CACNA1C: variants seen among roughly 807,000 people sequenced by gnomAD.
CACNA1C encodes the protein calcium voltage-gated channel subunit alpha1 C.
Under a neutral mutation model 229.0 loss-of-function variants are expected in CACNA1C, and 30 were observed. The observed-to-expected ratio is 0.13, with a 90% CI of 0.10 to 0.18. The LOEUF (loss-of-function observed/expected upper bound fraction) is 0.18. CACNA1C is among the 10% of genes least tolerant of loss of function. The pLI is 1.00. For synonymous variants in CACNA1C, 1,114 were observed against 1,132.5 expected, an observed-to-expected ratio of 0.98 and a Z score of 0.33; for missense variants, 1,658 against 2,845.0, an observed-to-expected ratio of 0.58 and a Z score of 9.49.
At chr12:2,191,785 T>TGCACATGATCTCACGTACAC (rs1369891120) in intron 3 of CACNA1C, among the ~76,000 whole-genome samples, 1 of 135,528 alleles carries the variant, frequency 7.4e-6, no homozygotes, top group African/African-American at 2.9e-5. Context: ...GGCACATACA[T>TGCACATGATCTCACGTACAC]GCACATGATC....
chr12:2,673,694 G>A (rs893589937), intron 38 of CACNA1C, among the ~76,000 whole-genome samples: 4 of 152,150 alleles, frequency 2.6e-5, no homozygotes, highest in African/African-American at 9.7e-5. Context: ...GACCCCCTCT[G>A]CTCCTAGAGG....
intron 29 of CACNA1C, among the ~76,000 whole-genome samples, chr12:2,620,886 T>G (rs988396039): frequency 6.6e-6 from 1 of 152,206 alleles, no homozygotes; most frequent in Non-Finnish European, 1.5e-5. Flanking sequence ...CATGCATGAA[T>G]GGATGAATGA....
chr12:2,309,281 T>G (rs536050385), intron 3 of CACNA1C, among the ~76,000 whole-genome samples: 13 of 152,184 alleles, frequency 8.5e-5, no homozygotes, highest in African/African-American at 3.1e-4. Context: ...ATGTGGAATC[T>G]AAAAGAGCCC....
chr12:2,599,373 G>A (rs557687300), intron 21 of CACNA1C, among the ~76,000 whole-genome samples: 1 of 152,276 alleles, frequency 6.6e-6, no homozygotes, highest in East Asian at 1.9e-4. Flanking sequence ...TTAGCACAAG[G>A]AACAGTGGAA....
intron 3 of CACNA1C, among the ~76,000 whole-genome samples, chr12:2,262,944 C>T (rs1486980195): frequency 6.6e-6 from 1 of 151,996 alleles, no homozygotes; most frequent in Admixed American, 6.5e-5. Context: ...AAGGAGGTTG[C>T]ACTTTTGTGG....
intron 3 of CACNA1C, among the ~76,000 whole-genome samples, chr12:2,318,770 G>A (rs1023303992): frequency 6.6e-6 from 1 of 152,034 alleles, no homozygotes; most frequent in Non-Finnish European, 1.5e-5. Flanking sequence ...GATGGCATGG[G>A]GATGGAGGAT....
rs558876052 is a variant in CACNA1C at position 2,337,879 on chromosome 12, C to T, written c.478-111097C>T. ...CTGAAGCCTGTGGTGACCACGCCTC[C>T]TCCTCTGACTTCAGGTTTGGTCTTT... On this transcript the variant is annotated intron_variant, in intron 3 of 46. Transcript: ENST00000399655. Among the ~76,000 whole-genome samples the T allele has an allele frequency of 2.6e-4, 40 of 152,328 alleles. No individual in the cohort carries two copies. The South Asian group carries it at 7.9e-3, about 30-fold the overall frequency.
At chr12:2,126,588 G>T (rs2090153265) in intron 3 of CACNA1C, among the ~76,000 whole-genome samples, 1 of 152,228 alleles carries the variant, frequency 6.6e-6, no homozygotes, top group Admixed American at 6.5e-5. Context: ...AGCTTGAAGT[G>T]GAGGTGGAGA....
At chr12:2,191,328 G>A (rs1424596793) in intron 3 of CACNA1C, among the ~76,000 whole-genome samples, 1 of 152,122 alleles carries the variant, frequency 6.6e-6, no homozygotes, top group African/African-American at 2.4e-5. Flanking sequence ...TTGGTCCTTA[G>A]GTGTCCCAGG....
chr12:2,621,524 GC>G (rs1247774144), intron 29 of CACNA1C, among the ~76,000 whole-genome samples: 1 of 152,184 alleles, frequency 6.6e-6, no homozygotes, highest in African/African-American at 2.4e-5. Context: ...GCAGGGATGG[GC>G]CATTCAGTGG....
At chr12:2,387,734 G>T (rs2098417694) in intron 3 of CACNA1C, among the ~76,000 whole-genome samples, 2 of 152,186 alleles carry the variant, frequency 1.3e-5, no homozygotes, top group African/African-American at 4.8e-5. Context: ...GGAAGATCCT[G>T]TGAAAGGGCT....
chr12:2,668,670 G>A (rs1313687432), intron 37 of CACNA1C: 2 of 420,932 alleles, frequency 4.8e-6, no homozygotes, highest in South Asian at 6.8e-5. Context: ...AAGAGAGAAG[G>A]GGGAGGGACC....
chr12:2,330,986 C>T (rs2096528608), intron 3 of CACNA1C, among the ~76,000 whole-genome samples: 1 of 152,156 alleles, frequency 6.6e-6, no homozygotes, highest in Non-Finnish European at 1.5e-5. Flanking sequence ...CTGGAAGTCT[C>T]TGCATCAGGA....
chr12:2,224,382 C>G (rs1328503686), intron 3 of CACNA1C, among the ~76,000 whole-genome samples: 1 of 152,196 alleles, frequency 6.6e-6, no homozygotes, highest in Non-Finnish European at 1.5e-5. Flanking sequence ...CCTGGCGGAG[C>G]CTCTGATCCT....
At chr12:2,134,023 G>T in intron 3 of CACNA1C, among the ~76,000 whole-genome samples, 1 of 28,652 alleles carries the variant, frequency 3.5e-5, no homozygotes, top group Non-Finnish European at 6.7e-5. Context: ...AGGATAGTTA[G>T]CTCTTCTTGT....
At chr12:2,005,374 GTTTTTA>G (rs1013995910) in intron 1 of CACNA1C, among the ~76,000 whole-genome samples, 3 of 152,292 alleles carry the variant, frequency 2.0e-5, no homozygotes, top group African/African-American at 7.2e-5. Flanking sequence ...CCGAATTCAT[GTTTTTA>G]TTTTTATTTT....
Position 2,522,632 on chromosome 12 carries a change from T to C in CACNA1C, c.1390+9648T>C, listed in dbSNP as rs143985350. Among the ~76,000 whole-genome samples the C allele has an allele frequency of 2.0e-3, 310 of 152,212 alleles. 2 individuals carry two copies. The highest frequency in any genetic ancestry group is 7.3e-3 in the African/African-American group (304 of 41,532). On this transcript the variant is annotated intron_variant, in intron 9 of 46. Coordinates refer to ENST00000399655, the MANE Select transcript of CACNA1C (RefSeq NM_000719.7). ...CTGCCTCATGCCCACATACTCCCCG[T>C]AGGAGGGGTCATTGTTTCACTGTAT...
chr12:2,304,236 G>C (rs2094824387), intron 3 of CACNA1C, among the ~76,000 whole-genome samples: 2 of 152,148 alleles, frequency 1.3e-5, no homozygotes, highest in South Asian at 4.1e-4. Flanking sequence ...AGCCGGGCGT[G>C]TGTGTGAGGC....
chr12:2,004,584 G>T, intron 1 of CACNA1C: 1 of 1,149,868 alleles, frequency 8.7e-7, no homozygotes, highest in Non-Finnish European at 1.2e-6. Flanking sequence ...CCTGCCCGCC[G>T]ACAGACGCAA....
Sources: allele counts gnomAD v4.1 joint callset (sites outside exome capture counted in the v4.1 genomes callset), GRCh38; gene constraint gnomAD v4.1.1; transcripts MANE v1.5; gene names NCBI Gene and HGNC (gene_info 2026-07-23, HGNC 2026-07-21).